WDPCP: variants seen among roughly 807,000 people sequenced by gnomAD.
WDPCP encodes WD repeat containing planar cell polarity effector.
WDPCP carries 71 observed loss-of-function variants against 93.1 expected under a neutral mutation model. The observed-to-expected ratio is 0.76, with a 90% CI of 0.63 to 0.93. The LOEUF (loss-of-function observed/expected upper bound fraction) is 0.93. Ranked by LOEUF, WDPCP falls within the 40% of genes least tolerant of loss-of-function variation. The probability of loss-of-function intolerance (pLI) is 0.00; values close to 1 mark genes in which losing one functional copy is unlikely to be tolerated. For missense variants in WDPCP, 844 were observed against 887.4 expected, an observed-to-expected ratio of 0.95 and a Z score of 0.62; for synonymous variants, 315 against 315.0, an observed-to-expected ratio of 1.00 and a Z score of 0.00.
intron 12 of WDPCP, among the ~76,000 whole-genome samples, chr2:63,338,551 TAAAAAAAAAA>T (rs373990599): frequency 6.4e-4 from 16 of 25,082 alleles, no homozygotes; most frequent in African/African-American, 2.2e-3. Context: ...AAACTCCATC[TAAAAAAAAAA>T]AAAAAAAAAT....
At chr2:63,208,167 T>C (rs1676483543) in intron 14 of WDPCP, among the ~76,000 whole-genome samples, 1 of 152,218 alleles carries the variant, frequency 6.6e-6, no homozygotes, top group Non-Finnish European at 1.5e-5. Context: ...TCAATTCTCA[T>C]CTATTTGTGG....
chr2:63,798,024 G>A (rs1337336302), intron 2 of WDPCP, among the ~76,000 whole-genome samples: 1 of 152,154 alleles, frequency 6.6e-6, no homozygotes, highest in Non-Finnish European at 1.5e-5. Context: ...AGAGTGGCAT[G>A]ACATATTTAA....
At chr2:63,277,497 T>A (rs1227394768) in intron 13 of WDPCP, among the ~76,000 whole-genome samples, 1 of 152,162 alleles carries the variant, frequency 6.6e-6, no homozygotes, top group Non-Finnish European at 1.5e-5. Context: ...GTTTCTCTTG[T>A]CTTCAGGAAA....
chr2:63,556,176 CG>C (rs1706104767), intron 1 of WDPCP, among the ~76,000 whole-genome samples: 1 of 152,072 alleles, frequency 6.6e-6, no homozygotes, highest in Non-Finnish European at 1.5e-5. Context: ...AGCTGAAAAA[CG>C]TAACATGAGA....
chr2:63,142,964 A>G (rs1319829912), intron 17 of WDPCP, among the ~76,000 whole-genome samples: 1 of 151,928 alleles, frequency 6.6e-6, no homozygotes, highest in African/African-American at 2.4e-5. Flanking sequence ...ATCTATATAC[A>G]TATTTTGAGA....
intron 12 of WDPCP, among the ~76,000 whole-genome samples, chr2:63,374,016 A>G (rs1002344713): frequency 6.7e-6 from 1 of 148,898 alleles, no homozygotes; most frequent in African/African-American, 2.5e-5. Flanking sequence ...TATGCTTTAT[A>G]TGATCAATTT....
intron 2 of WDPCP, among the ~76,000 whole-genome samples, chr2:63,733,183 A>ATTTT (rs70965141): frequency 1.8e-4 from 17 of 94,946 alleles, no homozygotes; most frequent in African/African-American, 6.7e-4. Context: ...CAAATAAATG[A>ATTTT]TTTTTTTTTT....
intron 17 of WDPCP, among the ~76,000 whole-genome samples, chr2:63,128,732 A>C (rs1311166191): frequency 6.6e-6 from 1 of 152,172 alleles, no homozygotes; most frequent in Non-Finnish European, 1.5e-5. Flanking sequence ...GCAGTGGCGC[A>C]ATCTTGACTC....
intron 1 of WDPCP, among the ~76,000 whole-genome samples, chr2:63,535,156 G>C (rs2106265786): frequency 6.6e-6 from 1 of 152,288 alleles, no homozygotes; most frequent in Admixed American, 6.5e-5. Flanking sequence ...ACTTACAAGG[G>C]ATGTGAAGGA....
At chr2:63,444,591 A>T (rs554825010) in intron 6 of WDPCP, among the ~76,000 whole-genome samples, 2 of 152,298 alleles carry the variant, frequency 1.3e-5, no homozygotes, top group East Asian at 3.9e-4. Context: ...GTCCTATTCC[A>T]TTGCAAGGGG....
intron 6 of WDPCP, among the ~76,000 whole-genome samples, chr2:63,479,760 G>A (rs1178198966): frequency 2.0e-5 from 3 of 152,050 alleles, no homozygotes; most frequent in East Asian, 3.9e-4. Context: ...ACAAGACAAG[G>A]ATGCTGACCC....
At chr2:63,400,431 A>C (rs1694059660) in intron 10 of WDPCP, among the ~76,000 whole-genome samples, 1 of 152,214 alleles carries the variant, frequency 6.6e-6, no homozygotes, top group Non-Finnish European at 1.5e-5. Flanking sequence ...CTATGAATAG[A>C]GTAAACAGAC....
At chr2:63,461,118 G>A (rs1698979344) in intron 6 of WDPCP, among the ~76,000 whole-genome samples, 1 of 152,126 alleles carries the variant, frequency 6.6e-6, no homozygotes, top group Admixed American at 6.5e-5. Flanking sequence ...AATGGTGCAT[G>A]CAAAGGCCAG....
chr2:63,505,894 G>A (rs1482652900), intron 1 of WDPCP, among the ~76,000 whole-genome samples: 1 of 152,012 alleles, frequency 6.6e-6, no homozygotes, highest in African/African-American at 2.4e-5. Flanking sequence ...AAACTTAGTG[G>A]GGAGCTTGGG....
chr2:63,488,249 TA>T (rs1700682130), intron 2 of WDPCP, among the ~76,000 whole-genome samples: 1 of 152,088 alleles, frequency 6.6e-6, no homozygotes, highest in Admixed American at 6.6e-5. Flanking sequence ...TCTCAGTTAC[TA>T]ACATAAGGAT....
intron 2 of WDPCP, among the ~76,000 whole-genome samples, chr2:63,777,426 C>G (rs185822699): frequency 6.6e-6 from 1 of 152,052 alleles, no homozygotes; most frequent in Non-Finnish European, 1.5e-5. Flanking sequence ...TTAAACATAC[C>G]GCTACCATAT....
At chr2:63,233,231 C>G (rs1460413903) in intron 14 of WDPCP, 1 of 157,908 alleles carries the variant, frequency 6.3e-6, no homozygotes, top group Non-Finnish European at 1.4e-5. Context: ...AGGGTAGGGA[C>G]AATGGATCCC....
At chr2:63,131,765 T>C (rs1029087762) in intron 17 of WDPCP, among the ~76,000 whole-genome samples, 7 of 152,024 alleles carry the variant, frequency 4.6e-5, no homozygotes, top group African/African-American at 9.7e-5. Flanking sequence ...GTGTTGACTA[T>C]ACATCTTTTA....
chr2:63,773,418 C>T (rs959489027), intron 2 of WDPCP, among the ~76,000 whole-genome samples: 2 of 151,810 alleles, frequency 1.3e-5, no homozygotes, highest in African/African-American at 2.4e-5. Context: ...AGTCAGAAGA[C>T]CAATTACCAT....
Sources: allele counts gnomAD v4.1 joint callset (sites outside exome capture counted in the v4.1 genomes callset), GRCh38; gene constraint gnomAD v4.1.1; transcripts MANE v1.5; gene names NCBI Gene and HGNC (gene_info 2026-07-23, HGNC 2026-07-21).